SLC8A1: variants seen among roughly 807,000 people sequenced by gnomAD.
SLC8A1 encodes solute carrier family 8 member A1, also known as sodium/calcium exchanger 1.
Under a neutral mutation model 68.3 loss-of-function variants are expected in SLC8A1, and 18 were observed. The observed-to-expected ratio is 0.26, with a 90% CI of 0.18 to 0.39. The LOEUF is 0.39. SLC8A1 is among the 10% of genes least tolerant of loss of function. SLC8A1 has a pLI of 1.00. For missense variants in SLC8A1, 985 were observed against 1,156.7 expected (o/e 0.85, Z 2.15); for synonymous variants, 475 against 415.5 (o/e 1.14, Z -1.74).
At chr2:40,285,098 T>G (rs2068104062) in intron 2 of SLC8A1, among the ~76,000 whole-genome samples, 1 of 152,136 alleles carries the variant, frequency 6.6e-6, no homozygotes, top group African/African-American at 2.4e-5. Flanking sequence ...ATTGCTTCCT[T>G]CAAGAGACAT....
intron 2 of SLC8A1, among the ~76,000 whole-genome samples, chr2:40,362,803 C>A (rs1292626598): frequency 7.2e-5 from 11 of 152,092 alleles, no homozygotes; most frequent in African/African-American, 2.7e-4. Context: ...AAAACTACAT[C>A]TTTTTGTACA....
intron 2 of SLC8A1, among the ~76,000 whole-genome samples, chr2:40,357,968 T>C (rs994202624): frequency 6.6e-6 from 1 of 151,416 alleles, no homozygotes; most frequent in East Asian, 1.9e-4. Flanking sequence ...CCTGATGTGT[T>C]TGTATAAAAA....
chr2:40,446,997 C>G (rs1266496754), intron 1 of SLC8A1, among the ~76,000 whole-genome samples: 1 of 152,200 alleles, frequency 6.6e-6, no homozygotes, highest in Non-Finnish European at 1.5e-5. Context: ...CCTTGTTTGA[C>G]TTGCTCTCAC....
At chr2:40,123,463 C>A (rs901442027) in intron 7 of SLC8A1, among the ~76,000 whole-genome samples, 6 of 152,170 alleles carry the variant, frequency 3.9e-5, no homozygotes, top group African/African-American at 1.4e-4. Context: ...CTGCCACTCA[C>A]ATACACACAC....
chr2:40,130,214 C>T (rs531202620), intron 7 of SLC8A1, among the ~76,000 whole-genome samples: 4 of 152,318 alleles, frequency 2.6e-5, no homozygotes, highest in South Asian at 2.1e-4. Flanking sequence ...ATCTTTGGGT[C>T]GGCTGCATGC....
At chr2:40,178,622 G>A (rs561732267) in intron 2 of SLC8A1, 129 bp from the exon 3 acceptor site, 5 of 743,602 alleles carry the variant, frequency 6.7e-6, no homozygotes, top group African/African-American at 1.8e-5. Flanking sequence ...CTTCTGTACT[G>A]TGAGTTTTTT....
At chr2:40,332,667 A>T (rs758617668) in intron 2 of SLC8A1, among the ~76,000 whole-genome samples, 1 of 152,198 alleles carries the variant, frequency 6.6e-6, no homozygotes, top group African/African-American at 2.4e-5. Flanking sequence ...GGTCAAATAT[A>T]TACAGGCTTT....
intron 2 of SLC8A1, among the ~76,000 whole-genome samples, chr2:40,284,367 ATATT>A (rs1414047209): frequency 6.8e-6 from 1 of 147,360 alleles, no homozygotes; most frequent in Non-Finnish European, 1.5e-5. Flanking sequence ...ATATATACAT[ATATT>A]TATGTATGAT....
exon 5 of SLC8A1, chr2:40,164,982 C>T (rs769285485): frequency 9.3e-6 from 15 of 1,613,708 alleles, no homozygotes; most frequent in African/African-American, 2.7e-5. Flanking sequence ...TCATCATATT[C>T]GTCTGTGAAA....
intron 1 of SLC8A1, among the ~76,000 whole-genome samples, chr2:40,481,129 G>A (rs1409069375): frequency 6.6e-6 from 1 of 152,132 alleles, no homozygotes; most frequent in Non-Finnish European, 1.5e-5. Context: ...GTGTAAGAGT[G>A]TGTGTGTGTA....
At chr2:40,338,559 A>G (rs3922282) in intron 2 of SLC8A1, among the ~76,000 whole-genome samples, 28,451 of 151,968 alleles carry the variant, frequency 0.19, 4,884 homozygotes, top group African/African-American at 0.46. Flanking sequence ...AAACATCCTC[A>G]TATGGCATCT....
chr2:40,143,346 A>G (rs1327948481), intron 6 of SLC8A1, among the ~76,000 whole-genome samples: 1 of 152,160 alleles, frequency 6.6e-6, no homozygotes, highest in East Asian at 1.9e-4. Context: ...TGTGACAGCA[A>G]AAATGATGGT....
chr2:40,433,494 T>G (rs1262775249), intron 1 of SLC8A1, among the ~76,000 whole-genome samples: 1 of 152,150 alleles, frequency 6.6e-6, no homozygotes, highest in Non-Finnish European at 1.5e-5. Context: ...TCAATTATAT[T>G]TAATATTTCC....
At chr2:40,382,288 G>A (rs1265612564) in intron 2 of SLC8A1, among the ~76,000 whole-genome samples, 1 of 152,074 alleles carries the variant, frequency 6.6e-6, no homozygotes, top group Non-Finnish European at 1.5e-5. Flanking sequence ...ACTTAATGAT[G>A]ACTTATTGGT....
At chr2:40,356,592 C>T (rs1672729325) in intron 2 of SLC8A1, among the ~76,000 whole-genome samples, 1 of 133,418 alleles carries the variant, frequency 7.5e-6, no homozygotes, top group Non-Finnish European at 1.7e-5. Flanking sequence ...CACGTATGGT[C>T]CAAGATACCA....
chr2:40,482,853 C>G (rs1231496567), intron 1 of SLC8A1, among the ~76,000 whole-genome samples: 15 of 147,650 alleles, frequency 1.0e-4, no homozygotes, highest in Admixed American at 4.1e-4. Flanking sequence ...TGCAGTGGCG[C>G]GATCTCGGCT....
chr2:40,250,256 G>A (rs2062525261), intron 2 of SLC8A1: 1 of 152,176 alleles, frequency 6.6e-6, no homozygotes. Flanking sequence ...TAAAATTCTT[G>A]CTCTGGACAA....
chr2:40,246,213 A>C (rs1558934214), intron 2 of SLC8A1, among the ~76,000 whole-genome samples: 1 of 152,220 alleles, frequency 6.6e-6, no homozygotes, highest in Admixed American at 6.5e-5. Context: ...ATGGTTGGTT[A>C]CACATACACT....
chr2:40,421,841 G>T (rs998054239), intron 2 of SLC8A1, among the ~76,000 whole-genome samples: 1 of 152,200 alleles, frequency 6.6e-6, no homozygotes, highest in Non-Finnish European at 1.5e-5. Context: ...GAAAAGAAAG[G>T]GCCCTGGCTT....
Sources: gnomAD v4.1 joint callset for allele counts (sites outside exome capture counted in the v4.1 genomes callset) on GRCh38, gnomAD v4.1.1 for gene constraint, MANE v1.5 for transcripts, NCBI Gene and HGNC (gene_info 2026-07-23, HGNC 2026-07-21) for gene names.